SEMA3E: variants seen among roughly 807,000 people sequenced by gnomAD.
SEMA3E encodes semaphorin-3E.
In SEMA3E, 49 loss-of-function variants were observed where a neutral mutation model predicts 93.6. The observed-to-expected ratio is 0.52, with a 90% CI of 0.42 to 0.66. SEMA3E has a LOEUF of 0.66. Ranked by LOEUF, SEMA3E falls within the 30% of genes least tolerant of loss-of-function variation. The pLI, the probability that SEMA3E is intolerant of heterozygous loss-of-function variation, is 0.00. For synonymous variants in SEMA3E, 363 were observed against 330.7 expected (o/e 1.10, Z -1.06); for missense variants, 906 against 964.8 (o/e 0.94, Z 0.81).
At chr7:83,532,645 G>A (rs1054985359) in intron 1 of SEMA3E, among the ~76,000 whole-genome samples, 1 of 151,800 alleles carries the variant, frequency 6.6e-6, no homozygotes, top group African/African-American at 2.4e-5. Flanking sequence ...TACTCTTTCT[G>A]ACTTATTCTC....
chr7:83,407,303 T>A, intron 6 of SEMA3E, 64 bp from the exon 7 acceptor site: 1 of 1,325,378 alleles, frequency 7.5e-7, no homozygotes, highest in Non-Finnish European at 1.1e-6. Context: ...TAACAAGTTA[T>A]TCCAATAAAT....
At position 83,548,626 on chromosome 7, in the gene SEMA3E, G is replaced by T. The variant is rs1458256016; in HGVS notation, c.116-58352C>A. ...CACCTGGTCACCTCTGTTAATATTT[G>T]TAGTCCCAGGCTGCATAATCCCTTA... On this transcript the variant is annotated intron_variant, in intron 1 of 16. Coordinates refer to ENST00000643230, the MANE Select transcript of SEMA3E (RefSeq NM_012431.3). Among the ~76,000 whole-genome samples, 4 of 152,052 alleles carry T rather than the reference G, an allele frequency of 2.6e-5. 1 individual carries two copies. The highest frequency in any genetic ancestry group is 2.6e-4 in the Admixed American group (4 of 15,218).
intron 1 of SEMA3E, among the ~76,000 whole-genome samples, chr7:83,523,472 A>T (rs1791089643): frequency 6.6e-6 from 1 of 152,150 alleles, no homozygotes; most frequent in African/African-American, 2.4e-5. Flanking sequence ...CCAATCCATG[A>T]TAGTTACATC....
chr7:83,402,615 T>C lies in SEMA3E; in HGVS notation c.1143+17A>G, dbSNP rs772625288. 89 of 1,605,266 alleles carry C rather than the reference T, an allele frequency of 5.5e-5. No homozygotes were observed. The highest frequency in any genetic ancestry group is 7.2e-5 in the Non-Finnish European group (84 of 1,172,566). On this transcript the variant is annotated intron_variant, in intron 10 of 16. Transcript: ENST00000643230. Reference sequence around the variant, plus strand: ...ATACTTAAAAATAAGAATTATTTGTTATATAACTAAACTTACAGAACCAGG... The same window carrying C: ...ATACTTAAAAATAAGAATTATTTGTCATATAACTAAACTTACAGAACCAGG...
chr7:83,429,365 T>G (rs1352187428), intron 4 of SEMA3E, among the ~76,000 whole-genome samples: 2 of 152,188 alleles, frequency 1.3e-5, no homozygotes, highest in Non-Finnish European at 2.9e-5. Context: ...TCACCCTAAG[T>G]GACCTAACTT....
At chr7:83,389,365 C>T (rs763619518) in intron 14 of SEMA3E, among the ~76,000 whole-genome samples, 9 of 124,400 alleles carry the variant, frequency 7.2e-5, no homozygotes, top group South Asian at 4.8e-4. Flanking sequence ...TCCACTTGGC[C>T]GAGATGGTGT....
intron 1 of SEMA3E, among the ~76,000 whole-genome samples, chr7:83,588,399 G>T (rs1047903914): frequency 5.3e-5 from 8 of 151,902 alleles, no homozygotes; most frequent in African/African-American, 1.9e-4. Context: ...AGAAGAAGAA[G>T]AAGAATTGTA....
intron 5 of SEMA3E, among the ~76,000 whole-genome samples, chr7:83,414,917 T>C (rs546246625): frequency 6.6e-6 from 1 of 152,084 alleles, no homozygotes; most frequent in East Asian, 1.9e-4. Flanking sequence ...AAAATGGCTA[T>C]AGAATTAAAA....
At chr7:83,604,867 G>A (rs7790318) in intron 1 of SEMA3E, among the ~76,000 whole-genome samples, 49,965 of 151,718 alleles carry the variant, frequency 0.33, 8,370 homozygotes, top group South Asian at 0.35. Context: ...TCCCACTTAT[G>A]AGTGAGAACA....
At chr7:83,485,817 A>G (rs1270967648) in intron 2 of SEMA3E, among the ~76,000 whole-genome samples, 1 of 152,058 alleles carries the variant, frequency 6.6e-6, no homozygotes, top group East Asian at 1.9e-4. Context: ...GATTGGTGAT[A>G]TTCAGATGTT....
At chr7:83,531,377 T>A (rs1225338932) in intron 1 of SEMA3E, among the ~76,000 whole-genome samples, 1 of 118,160 alleles carries the variant, frequency 8.5e-6, no homozygotes, top group Non-Finnish European at 1.8e-5. Context: ...GATGGAGTTT[T>A]GCTCTGTCAC....
At position 83,648,882 on chromosome 7, in the gene SEMA3E, G is replaced by GAA. The variant is rs748082408; in HGVS notation, c.-342_-341dup. 57 of 86,770 alleles carry GAA rather than the reference G, an allele frequency of 6.6e-4. No individual in the cohort carries two copies. Among genetic ancestry groups the GAA allele is most frequent in the South Asian group, 1.0e-3 (3 of 2,898 alleles). The allele number at this position is 86,770 out of a possible 1,614,324, so 5.4% of individuals were successfully genotyped here. On this transcript the variant is annotated 5_prime_UTR_variant, in exon 1 of 17. Transcript: ENST00000643230. ...TCACTTGGGCAAAGCTGTTCATTCA[G>GAA]AAAAAAAAAAAAAAAAGAGAGAAAA... is the stretch of plus-strand genomic sequence containing the variant.
chr7:83,435,960 A>C (rs574163528), intron 4 of SEMA3E, among the ~76,000 whole-genome samples: 2 of 152,244 alleles, frequency 1.3e-5, no homozygotes, highest in East Asian at 3.9e-4. Context: ...AGTAGCAACA[A>C]GTTGAGCTCA....
chr7:83,601,907 A>G (rs1385868194), intron 1 of SEMA3E, among the ~76,000 whole-genome samples: 2 of 152,232 alleles, frequency 1.3e-5, no homozygotes, highest in Non-Finnish European at 2.9e-5. Context: ...TCTTTCACTT[A>G]TAAATGATTT....
intron 1 of SEMA3E, among the ~76,000 whole-genome samples, chr7:83,607,521 T>C (rs978094077): frequency 6.6e-6 from 1 of 152,198 alleles, no homozygotes; most frequent in Non-Finnish European, 1.5e-5. Flanking sequence ...GAAAACTTAA[T>C]ATTTTTAATA....
intron 3 of SEMA3E, 51 bp downstream of exon 3, chr7:83,469,191 TA>T: frequency 7.2e-7 from 1 of 1,395,352 alleles, no homozygotes; most frequent in South Asian, 1.2e-5. Flanking sequence ...TCTTTGTGGT[TA>T]ACTAGGGATA....
At chr7:83,405,916 G>A (rs1370472937) in intron 8 of SEMA3E, 29 bp downstream of exon 8, 2 of 1,508,620 alleles carry the variant, frequency 1.3e-6, no homozygotes, top group Non-Finnish European at 1.8e-6. Flanking sequence ...ACATAAAAGA[G>A]CAAATTTAAT....
chr7:83,539,868 T>TGTGCGC (rs1554336399), intron 1 of SEMA3E, among the ~76,000 whole-genome samples: 1 of 149,196 alleles, frequency 6.7e-6, no homozygotes, highest in Non-Finnish European at 1.5e-5. Flanking sequence ...TGTGTGTGTG[T>TGTGCGC]GTGTGTGTGT....
intron 4 of SEMA3E, among the ~76,000 whole-genome samples, chr7:83,440,403 T>G (rs1336884841): frequency 6.6e-6 from 1 of 152,184 alleles, no homozygotes; most frequent in Non-Finnish European, 1.5e-5. Context: ...AGAGTTCACA[T>G]TAGGGACATT....
Sources: allele counts gnomAD v4.1 joint callset (sites outside exome capture counted in the v4.1 genomes callset), GRCh38; gene constraint gnomAD v4.1.1; transcripts MANE v1.5; gene names NCBI Gene and HGNC (gene_info 2026-07-23, HGNC 2026-07-21).